NRXN3: variants seen among roughly 807,000 people sequenced by gnomAD.
NRXN3 encodes the protein neurexin III.
In NRXN3, 32 loss-of-function variants were observed where a neutral mutation model predicts 137.6. The observed-to-expected ratio is 0.23, with a 90% CI of 0.18 to 0.31. The LOEUF (loss-of-function observed/expected upper bound fraction) is 0.31. NRXN3 is among the 10% of genes least tolerant of loss of function. NRXN3 has a pLI of 1.00. For synonymous variants in NRXN3, 798 were observed against 784.5 expected (o/e 1.02, Z -0.29); for missense variants, 1,574 against 2,062.5 (o/e 0.76, Z 4.59).
At chr14:79,672,882 T>A in intron 17 of NRXN3, among the ~76,000 whole-genome samples, 1 of 151,982 alleles carries the variant, frequency 6.6e-6, no homozygotes, top group Admixed American at 6.6e-5. Context: ...GGTTGCAGAG[T>A]CTCTCTAGTT....
intron 15 of NRXN3, among the ~76,000 whole-genome samples, chr14:79,257,271 A>G (rs1431844118): frequency 6.8e-6 from 1 of 147,184 alleles, no homozygotes; most frequent in African/African-American, 2.5e-5. Flanking sequence ...CAAGTATCAG[A>G]TAGTTCCTCC....
chr14:79,586,549 C>T (rs1413606179), intron 16 of NRXN3, among the ~76,000 whole-genome samples: 1 of 151,976 alleles, frequency 6.6e-6, no homozygotes, highest in Non-Finnish European at 1.5e-5. Context: ...TCTGATTTGG[C>T]CTGGCGGGTG....
chr14:78,791,587 G>A (rs1200118962), intron 8 of NRXN3, among the ~76,000 whole-genome samples: 1 of 152,144 alleles, frequency 6.6e-6, no homozygotes, highest in Non-Finnish European at 1.5e-5. Flanking sequence ...ACTGAAAACT[G>A]AAGAGTAGTG....
At chr14:79,170,031 G>A (rs1038960591) in intron 15 of NRXN3, among the ~76,000 whole-genome samples, 2 of 152,032 alleles carry the variant, frequency 1.3e-5, no homozygotes, top group African/African-American at 2.4e-5. Flanking sequence ...TAAGTTCTCC[G>A]AGAATAGTCT....
At chr14:79,209,515 T>A (rs1370997501) in intron 15 of NRXN3, among the ~76,000 whole-genome samples, 1 of 152,214 alleles carries the variant, frequency 6.6e-6, no homozygotes, top group Non-Finnish European at 1.5e-5. Flanking sequence ...GTCACTGAGA[T>A]CATTAAGGTC....
At chr14:79,179,250 C>A (rs532147043) in intron 15 of NRXN3, among the ~76,000 whole-genome samples, 68 of 152,196 alleles carry the variant, frequency 4.5e-4, no homozygotes, top group Non-Finnish European at 7.2e-4. Context: ...ACAACAACAA[C>A]AAAAAATTCT....
At chr14:79,136,799 A>G (rs2058273669) in intron 15 of NRXN3, among the ~76,000 whole-genome samples, 3 of 152,258 alleles carry the variant, frequency 2.0e-5, no homozygotes, top group Non-Finnish European at 4.4e-5. Flanking sequence ...TATAAAGGCA[A>G]AAACGAACAC....
intron 6 of NRXN3, among the ~76,000 whole-genome samples, chr14:78,682,447 C>CT (rs149258824): frequency 7.9e-5 from 12 of 151,712 alleles, no homozygotes; most frequent in African/African-American, 2.7e-4. Flanking sequence ...AAGTACGACA[C>CT]TTTGACAGTC....
rs571541070 is a variant in NRXN3, at chr14:79,085,399, AATTAT to A, written c.3262+97265_3262+97269del. On this transcript the variant is annotated intron_variant, in intron 15 of 20. Coordinates refer to ENST00000335750, the MANE Select transcript of NRXN3 (RefSeq NM_001330195.2). ...TTAAAATCACTATTAAAGCTATTTG[AATTAT>A]ATTATAATTTTCTGGTGATGTCATA... is the stretch of plus-strand genomic sequence containing the variant. Among the ~76,000 whole-genome samples, 496 of 152,304 alleles carry A rather than the reference AATTAT, an allele frequency of 3.3e-3. 1 individual carries two copies. Among genetic ancestry groups the A allele is most frequent in the African/African-American group, 5.9e-3 (245 of 41,564 alleles).
intron 15 of NRXN3, among the ~76,000 whole-genome samples, chr14:79,122,294 C>T (rs1398051957): frequency 6.6e-6 from 1 of 152,182 alleles, no homozygotes; most frequent in Non-Finnish European, 1.5e-5. Context: ...TTGAGGATAT[C>T]CCTACACATC....
At chr14:78,493,749 A>G (rs1022529282) in intron 4 of NRXN3, among the ~76,000 whole-genome samples, 2 of 152,154 alleles carry the variant, frequency 1.3e-5, no homozygotes, top group African/African-American at 4.8e-5. Context: ...AAGGAATTTA[A>G]AACATTTCAA....
intron 4 of NRXN3, among the ~76,000 whole-genome samples, chr14:78,346,474 A>G (rs2082748672): frequency 6.6e-6 from 1 of 152,146 alleles, no homozygotes; most frequent in Non-Finnish European, 1.5e-5. Flanking sequence ...TGACTCCTTG[A>G]AACAGTTGCA....
chr14:79,423,111 G>A (rs1334589720), intron 15 of NRXN3, among the ~76,000 whole-genome samples: 6 of 152,106 alleles, frequency 3.9e-5, no homozygotes, highest in Admixed American at 2.6e-4. Context: ...AATGAACACC[G>A]AAGATGTCTT....
chr14:79,834,442 T>G (rs1021645981), intron 20 of NRXN3, among the ~76,000 whole-genome samples: 9 of 152,164 alleles, frequency 5.9e-5, no homozygotes, highest in African/African-American at 2.2e-4. Context: ...TCTTTCCATT[T>G]CTCACACCAA....
chr14:78,210,047 A>C (rs2062591174), intron 1 of NRXN3, among the ~76,000 whole-genome samples: 1 of 152,222 alleles, frequency 6.6e-6, no homozygotes, highest in Non-Finnish European at 1.5e-5. Flanking sequence ...ATAAGTGCTT[A>C]ATAAATATTT....
chr14:78,762,196 T>G (rs946820549), intron 8 of NRXN3, among the ~76,000 whole-genome samples: 1 of 152,230 alleles, frequency 6.6e-6, no homozygotes, highest in Non-Finnish European at 1.5e-5. Context: ...CCTGTCTTCT[T>G]AGGAAATCAC....
intron 4 of NRXN3, among the ~76,000 whole-genome samples, chr14:78,588,154 T>G (rs2097084839): frequency 6.6e-6 from 1 of 152,184 alleles, no homozygotes; most frequent in African/African-American, 2.4e-5. Context: ...AAGTCTGGAT[T>G]CTTGGGTACC....
At chr14:79,415,311 G>GA (rs1254319441) in intron 15 of NRXN3, among the ~76,000 whole-genome samples, 2 of 151,810 alleles carry the variant, frequency 1.3e-5, no homozygotes, top group African/African-American at 4.8e-5. Context: ...AAAAATATTT[G>GA]AAAAAAATGT....
chr14:79,079,170 A>G (rs962234758), intron 15 of NRXN3, among the ~76,000 whole-genome samples: 1 of 152,154 alleles, frequency 6.6e-6, no homozygotes, highest in Admixed American at 6.5e-5. Flanking sequence ...TGAGGATGCC[A>G]TTGCCTATAG....
Sources: gnomAD v4.1 joint callset for allele counts (sites outside exome capture counted in the v4.1 genomes callset) on GRCh38, gnomAD v4.1.1 for gene constraint, MANE v1.5 for transcripts, NCBI Gene and HGNC (gene_info 2026-07-23, HGNC 2026-07-21) for gene names.